DLEU7: variants seen among roughly 807,000 people sequenced by gnomAD.
DLEU7 encodes the protein leukemia-associated protein 7.
DLEU7 carries 17 observed loss-of-function variants against 16.0 expected under a neutral mutation model. The ratio of observed to expected loss-of-function variants is 1.06; its 90% CI spans 0.73 to 1.59. The LOEUF (loss-of-function observed/expected upper bound fraction) is 1.59, where lower values mean the gene tolerates loss of function less well. Among genes scored for constraint, DLEU7 ranks in the 40% most tolerant of loss-of-function variants. DLEU7 has a pLI of 0.00. For synonymous variants in DLEU7, 113 were observed against 139.8 expected (o/e 0.81, Z 1.35); for missense variants, 308 against 314.9 (o/e 0.98, Z 0.17).
chr13:50,833,476 A>C (rs1466302648), intron 1 of DLEU7, among the ~76,000 whole-genome samples: 1 of 152,178 alleles, frequency 6.6e-6, no homozygotes, highest in Non-Finnish European at 1.5e-5. Flanking sequence ...AGGAATACAA[A>C]TTACAAGGGA....
At chr13:50,812,249 G>A (rs921085930) in intron 1 of DLEU7, among the ~76,000 whole-genome samples, 1 of 152,144 alleles carries the variant, frequency 6.6e-6, no homozygotes, top group African/African-American at 2.4e-5. Context: ...TTGATGGTGT[G>A]TAGAAGGGGC....
chr13:50,843,831 G>T, upstream of DLEU7: 1 of 764,594 alleles, frequency 1.3e-6, no homozygotes, highest in Non-Finnish European at 1.9e-6. The surrounding 1 kb of genome is among the most constrained non-coding windows in gnomAD (Gnocchi z 5.7). Flanking sequence ...CTCTGCCTTC[G>T]CCTGAAGTCC....
chr13:50,746,224 C>T (rs1187992802), intron 1 of DLEU7, among the ~76,000 whole-genome samples: 1 of 152,168 alleles, frequency 6.6e-6, no homozygotes, highest in East Asian at 1.9e-4. Flanking sequence ...TATTTAATAG[C>T]AATTAATGTT....
At chr13:50,762,173 A>G (rs996281658) in intron 1 of DLEU7, among the ~76,000 whole-genome samples, 2 of 145,714 alleles carry the variant, frequency 1.4e-5, no homozygotes, top group Non-Finnish European at 3.0e-5. Flanking sequence ...CCTGGGTGAC[A>G]GAGCGAGACT....
chr13:50,733,594 C>G (rs1263000578), intron 1 of DLEU7, among the ~76,000 whole-genome samples: 1 of 152,112 alleles, frequency 6.6e-6, no homozygotes, highest in African/African-American at 2.4e-5. Context: ...CTCCTCAACT[C>G]TGTCCCCTAC....
chr13:50,761,372 C>A (rs1467792256), intron 1 of DLEU7, among the ~76,000 whole-genome samples: 2 of 151,946 alleles, frequency 1.3e-5, no homozygotes, highest in African/African-American at 4.8e-5. Context: ...TTTGAGTGAT[C>A]TGAATTTTAT....
chr13:50,729,489 T>G (rs565001871), intron 1 of DLEU7, among the ~76,000 whole-genome samples: 2 of 152,324 alleles, frequency 1.3e-5, no homozygotes, highest in African/African-American at 4.8e-5. Context: ...GCCACAATGA[T>G]CATTTGTGTG....
chr13:50,835,806 A>C (rs558423206), intron 1 of DLEU7, among the ~76,000 whole-genome samples: 1 of 152,360 alleles, frequency 6.6e-6, no homozygotes, highest in South Asian at 2.1e-4. Context: ...TGAACAACTG[A>C]AAATGCACCT....
At chr13:50,751,933 T>C in intron 1 of DLEU7, among the ~76,000 whole-genome samples, 1 of 152,104 alleles carries the variant, frequency 6.6e-6, no homozygotes, top group Non-Finnish European at 1.5e-5. Context: ...TGTTTCAATT[T>C]CATTTAGTTC....
intron 1 of DLEU7, among the ~76,000 whole-genome samples, chr13:50,720,130 A>G (rs1428685894): frequency 2.6e-5 from 4 of 152,196 alleles, no homozygotes; most frequent in Non-Finnish European, 5.9e-5. Context: ...GATCCTGGGC[A>G]TGCTCTCACA....
chr13:50,747,455 G>A (rs1280558932), intron 1 of DLEU7, among the ~76,000 whole-genome samples: 1 of 151,638 alleles, frequency 6.6e-6, no homozygotes, highest in East Asian at 1.9e-4. Context: ...TAAGCACAAA[G>A]AATGTGTTTT....
chr13:50,730,807 G>A (rs1354415310), intron 1 of DLEU7, among the ~76,000 whole-genome samples: 1 of 152,142 alleles, frequency 6.6e-6, no homozygotes, highest in Non-Finnish European at 1.5e-5. Context: ...GATAAAAAAA[G>A]ATGGAGCAAA....
At chr13:50,753,305 C>T (rs1301431449) in intron 1 of DLEU7, among the ~76,000 whole-genome samples, 1 of 152,260 alleles carries the variant, frequency 6.6e-6, no homozygotes, top group African/African-American at 2.4e-5. Flanking sequence ...CGCCATGCAC[C>T]TGCACTCCTC....
intron 1 of DLEU7, among the ~76,000 whole-genome samples, chr13:50,722,098 A>G (rs1873635225): frequency 6.6e-6 from 1 of 152,184 alleles, no homozygotes; most frequent in Non-Finnish European, 1.5e-5. Flanking sequence ...TTCTTCACTC[A>G]TCTATATAAA....
At chr13:50,748,915 T>C (rs1264548098) in intron 1 of DLEU7, among the ~76,000 whole-genome samples, 2 of 152,166 alleles carry the variant, frequency 1.3e-5, no homozygotes, top group Admixed American at 6.5e-5. Flanking sequence ...CCATAGGTTA[T>C]TGGGGTACGG....
intron 1 of DLEU7, among the ~76,000 whole-genome samples, chr13:50,742,811 A>G (rs1351322759): frequency 6.6e-6 from 1 of 152,230 alleles, no homozygotes; most frequent in Non-Finnish European, 1.5e-5. Flanking sequence ...AGTACATCCA[A>G]GAATGAGACT....
chr13:50,730,733 C>G (rs1484814757), intron 1 of DLEU7, among the ~76,000 whole-genome samples: 1 of 152,090 alleles, frequency 6.6e-6, no homozygotes, highest in Non-Finnish European at 1.5e-5. Context: ...CACTCAATGG[C>G]TGCATCCCAA....
At chr13:50,747,039 C>T (rs1241826891) in intron 1 of DLEU7, among the ~76,000 whole-genome samples, 1 of 152,070 alleles carries the variant, frequency 6.6e-6, no homozygotes, top group African/African-American at 2.4e-5. Flanking sequence ...CATAAATTTT[C>T]GTGCAATATA....
At chr13:50,731,312 G>C (rs1873905869) in intron 1 of DLEU7, among the ~76,000 whole-genome samples, 1 of 152,158 alleles carries the variant, frequency 6.6e-6, no homozygotes, top group South Asian at 2.1e-4. Context: ...TCCAATTCTT[G>C]GTTCAAAATG....
Sources: gnomAD v4.1 joint callset for allele counts (sites outside exome capture counted in the v4.1 genomes callset) on GRCh38, gnomAD v4.1.1 for gene constraint, Gnocchi (gnomAD v3.1) non-coding constraint, MANE v1.5 for transcripts, NCBI Gene and HGNC (gene_info 2026-07-23, HGNC 2026-07-21) for gene names.